The following HSCB variants were observed in gnomAD, a reference collection of about 807,000 sequenced individuals.
HSCB encodes the protein HscB mitochondrial iron-sulfur cluster cochaperone.
In HSCB, 23 loss-of-function variants were observed where a neutral mutation model predicts 31.3. The ratio of observed to expected loss-of-function variants is 0.74; its 90% CI spans 0.53 to 1.04. HSCB has a LOEUF of 1.04. HSCB is among the 50% of genes least tolerant of loss of function. The probability of loss-of-function intolerance (pLI) is 0.00; values close to 1 mark genes in which losing one functional copy is unlikely to be tolerated. For synonymous variants in HSCB, 110 were observed against 104.5 expected (o/e 1.05, Z -0.32); for missense variants, 297 against 288.1 (o/e 1.03, Z -0.22).
intron 5 of HSCB, among the ~76,000 whole-genome samples, chr22:28,754,992 C>T: frequency 6.6e-6 from 1 of 151,078 alleles, no homozygotes; most frequent in Non-Finnish European, 1.5e-5. Flanking sequence ...GATGGGATTT[C>T]ACCATGTTGG....
At chr22:28,742,553 C>G in intron 1 of HSCB, 1 of 687,308 alleles carries the variant, frequency 1.5e-6, no homozygotes. Context: ...GGGAGACGAA[C>G]GGGACTGGAG....
intron 4 of HSCB, among the ~76,000 whole-genome samples, chr22:28,746,380 C>CA (rs56751858): frequency 0.049 from 3,476 of 71,268 alleles, 157 homozygotes; most frequent in African/African-American, 0.099. Context: ...GACTCCATCT[C>CA]AAAAAAAAAA....
chr22:28,745,879 A>G lies in HSCB; in HGVS notation c.439A>G (p.Ile147Val). ...ACCCCAATAGCTAAAGCTCCATGGA[A>G]TAGAGATTCCTGAAAGGACAGATTA... is the stretch of plus-strand genomic sequence containing the variant. Reference protein sequence around the residue: ...RGLYLLKLHGIEIPERTDYEM... With the variant: ...RGLYLLKLHGVEIPERTDYEM... The change falls in exon 4 of 6, where the codon ATA becomes GTA. Residue 147 changes from isoleucine to valine, a missense_variant. Coordinates refer to ENST00000216027, the MANE Select transcript of HSCB (RefSeq NM_172002.5). The G allele has an allele frequency of 6.2e-7, 1 of 1,611,930 alleles. No homozygotes were observed. The highest frequency in any genetic ancestry group is 8.5e-7 in the Non-Finnish European group (1 of 1,179,106).
At chr22:28,746,403 G>T (rs895573138) in intron 4 of HSCB, among the ~76,000 whole-genome samples, 83 of 143,430 alleles carry the variant, frequency 5.8e-4, no homozygotes, top group Non-Finnish European at 1.1e-3. Context: ...AAAAAAAAAA[G>T]GTTATTTATT....
chr22:28,755,403 C>T (rs1000509360), intron 5 of HSCB, among the ~76,000 whole-genome samples: 1 of 151,708 alleles, frequency 6.6e-6, no homozygotes, highest in Non-Finnish European at 1.5e-5. Context: ...GAGCAAGACT[C>T]CATCTCAAAA....
intron 4 of HSCB, among the ~76,000 whole-genome samples, chr22:28,747,382 G>A (rs1372656422): frequency 6.6e-6 from 1 of 152,138 alleles, no homozygotes; most frequent in African/African-American, 2.4e-5. Flanking sequence ...GCTCACTGCA[G>A]CCTTGACCCA....
At chr22:28,751,220 C>T in intron 4 of HSCB, 21 bp from the exon 5 acceptor site, 1 of 1,526,602 alleles carries the variant, frequency 6.6e-7, no homozygotes, top group Non-Finnish European at 9.0e-7. Context: ...GAAAAATTAA[C>T]AGAATGGTTT....
intron 3 of HSCB, 40 bp downstream of exon 3, chr22:28,744,744 A>G: frequency 6.9e-7 from 1 of 1,457,552 alleles, no homozygotes; most frequent in Non-Finnish European, 9.6e-7. Flanking sequence ...TGACGTCCTG[A>G]TGCCCATTAT....
intron 4 of HSCB, among the ~76,000 whole-genome samples, chr22:28,748,415 C>T (rs975406316): frequency 2.6e-5 from 4 of 152,188 alleles, no homozygotes; most frequent in Non-Finnish European, 5.9e-5. Flanking sequence ...TGGACAACTG[C>T]AGTAGCTTTT....
rs1336750316 is a variant in HSCB at position 28,751,223 on chromosome 22, A to G, written c.569-18A>G. 6.5e-7 allele frequency: 1 copy of G among 1,542,710 alleles called. No homozygotes were observed. Among genetic ancestry groups the G allele is most frequent in the Non-Finnish European group, 8.9e-7 (1 of 1,121,346 alleles). On this transcript the variant is annotated intron_variant, in intron 4 of 5. Coordinates refer to ENST00000216027, the MANE Select transcript of HSCB (RefSeq NM_172002.5). ...TCTATTTCAATGGAAAAATTAACAGAATGGTTTTCTTTTTCAGCTAAACAG... is the reference window on the plus strand; with the variant it reads ...TCTATTTCAATGGAAAAATTAACAGGATGGTTTTCTTTTTCAGCTAAACAG...
Position 28,742,205 on chromosome 22 carries a change from AT to A in HSCB, c.112del (p.Tyr38IlefsTer87), listed in dbSNP as rs2054577078. The A allele has an allele frequency of 6.2e-7, 1 of 1,613,916 alleles. No homozygotes were observed. ...SCDAASQAGS[N>X]YPRCWNCGGP... ...GATGCTGCGTCGCAGGCGGGAAGCA[AT>A]TATCCCCGCTGTTGGAACTGCGGCG... On this transcript the variant is annotated frameshift_variant, in exon 1 of 6. Transcript: ENST00000216027. LOFTEE classifies it high-confidence loss of function.
Sources: allele counts gnomAD v4.1 joint callset (sites outside exome capture counted in the v4.1 genomes callset), GRCh38; gene constraint gnomAD v4.1.1; transcripts MANE v1.5; gene names NCBI Gene and HGNC (gene_info 2026-07-23, HGNC 2026-07-21).